SEL1L3: variants seen among roughly 807,000 people sequenced by gnomAD.
SEL1L3 encodes SEL1L family member 3, also known as protein sel-1 homolog 3.
In SEL1L3, 76 loss-of-function variants were observed where a neutral mutation model predicts 142.8. That is an observed-to-expected ratio of 0.53 (90% confidence interval 0.44 to 0.64). SEL1L3 has a LOEUF of 0.64. Among genes scored for constraint, SEL1L3 ranks in the 30% least tolerant of loss-of-function variants. SEL1L3 has a pLI of 0.00. For missense variants in SEL1L3, 1,262 were observed against 1,381.7 expected (o/e 0.91, Z 1.37); for synonymous variants, 504 against 519.6 (o/e 0.97, Z 0.41).
intron 12 of SEL1L3, among the ~76,000 whole-genome samples, chr4:25,789,479 G>A (rs1712124218): frequency 6.6e-6 from 1 of 151,772 alleles, no homozygotes; most frequent in Non-Finnish European, 1.5e-5. Context: ...CAGCTACTCG[G>A]GAGGTTGAGG....
At chr4:25,744,585 C>T (rs1372981293), downstream of SEL1L3, among the ~76,000 whole-genome samples, 1 of 152,130 alleles carries the variant, frequency 6.6e-6, no homozygotes, top group Non-Finnish European at 1.5e-5. Flanking sequence ...AATTCCTGAC[C>T]TCAAGAGATC....
At chr4:25,784,111 C>A in intron 14 of SEL1L3, 117 bp downstream of exon 14, 2 of 849,472 alleles carry the variant, frequency 2.4e-6, no homozygotes, top group Non-Finnish European at 4.0e-6. Flanking sequence ...TGCTCACCAC[C>A]CCGTTTCCAC....
At chr4:25,819,632 T>A in intron 8 of SEL1L3, among the ~76,000 whole-genome samples, 176 bp downstream of exon 8, 1 of 152,178 alleles carries the variant, frequency 6.6e-6, no homozygotes, top group East Asian at 1.9e-4. Context: ...AGAATCCAGG[T>A]GGAATGTACA....
the SEL1L3 span, among the ~76,000 whole-genome samples, chr4:25,742,346 C>T: frequency 1.3e-5 from 2 of 151,998 alleles, no homozygotes; most frequent in African/African-American, 2.4e-5. Context: ...CCACCACAGC[C>T]GGCTAATTTT....
At chr4:25,830,903 C>T (rs534837181) in intron 5 of SEL1L3, among the ~76,000 whole-genome samples, 30 of 152,316 alleles carry the variant, frequency 2.0e-4, no homozygotes, top group Admixed American at 5.2e-4. Flanking sequence ...CTAAACCAAC[C>T]ATTTAAGTCA....
intron 6 of SEL1L3, among the ~76,000 whole-genome samples, chr4:25,824,923 T>C (rs6857554): frequency 0.061 from 9,265 of 152,258 alleles, 944 homozygotes; most frequent in African/African-American, 0.21. Flanking sequence ...TTTTGGGCTC[T>C]GATTATTTTC....
In SEL1L3 at chr4:25,796,864, G is replaced by C. The variant is rs145974900; in HGVS notation, c.1956+5419C>G. ...CTTTCTAAGTCCAACAGAGCATAAA[G>C]ACAGAAAAAAAAAAAAGAAGAAAGG... On this transcript the variant is annotated intron_variant, in intron 11 of 23. Transcript: ENST00000399878. 4.3e-3 allele frequency among the ~76,000 whole-genome samples: 560 copies of C among 129,022 alleles called. 1 individual carries two copies. Among genetic ancestry groups the C allele is most frequent in the African/African-American group, 0.018 (534 of 29,346 alleles). 84.6% of individuals were successfully genotyped at this position (129,022 alleles called of 152,430 possible).
chr4:25,855,808 A>C (rs778845051), intron 1 of SEL1L3, among the ~76,000 whole-genome samples: 16 of 151,712 alleles, frequency 1.1e-4, no homozygotes, highest in Admixed American at 4.6e-4. Flanking sequence ...CAGGTGCCTC[A>C]GTGGCCCTGA....
chr4:25,725,776 C>G, the SEL1L3 span, among the ~76,000 whole-genome samples: 1 of 152,136 alleles, frequency 6.6e-6, no homozygotes, highest in Non-Finnish European at 1.5e-5. Context: ...TGTGGGGTAA[C>G]TTCCGGAGTT....
chr4:25,782,101 G>T, intron 15 of SEL1L3, 141 bp downstream of exon 15: 1 of 708,210 alleles, frequency 1.4e-6, no homozygotes, highest in Non-Finnish European at 2.3e-6. Context: ...TCACTATCTT[G>T]TTTTCCTACG....
intron 5 of SEL1L3, among the ~76,000 whole-genome samples, chr4:25,831,356 C>T (rs886761340): frequency 6.6e-6 from 1 of 151,800 alleles, no homozygotes; most frequent in Non-Finnish European, 1.5e-5. Flanking sequence ...GCTGAAATAC[C>T]CTCTTCTCCG....
At chr4:25,772,918 C>T (rs894352202) in intron 17 of SEL1L3, among the ~76,000 whole-genome samples, 3 of 152,186 alleles carry the variant, frequency 2.0e-5, no homozygotes, top group Admixed American at 6.5e-5. Context: ...CTGCCTCAGC[C>T]TCCCGAGTAG....
At chr4:25,727,422 C>A in the SEL1L3 span, among the ~76,000 whole-genome samples, 3 of 152,198 alleles carry the variant, frequency 2.0e-5, no homozygotes, top group Admixed American at 6.5e-5. Flanking sequence ...TTATAATAAA[C>A]CCATCTTTGA....
At chr4:25,781,407 G>A (rs980878795) in intron 15 of SEL1L3, among the ~76,000 whole-genome samples, 1 of 152,052 alleles carries the variant, frequency 6.6e-6, no homozygotes, top group Non-Finnish European at 1.5e-5. Context: ...GGTGGTGGAG[G>A]TGGGCGGATC....
intron 9 of SEL1L3, among the ~76,000 whole-genome samples, chr4:25,813,778 G>A (rs991720659): frequency 6.6e-6 from 1 of 152,162 alleles, no homozygotes. Flanking sequence ...TAAATATTTG[G>A]CAAGTCTCTT....
the SEL1L3 span, among the ~76,000 whole-genome samples, chr4:25,728,257 G>A: frequency 1.5e-4 from 23 of 152,282 alleles, no homozygotes; most frequent in South Asian, 3.5e-3. Flanking sequence ...GACCCATGGA[G>A]AAATCAACTG....
intron 23 of SEL1L3, chr4:25,755,817 T>C (rs572101932): frequency 3.1e-4 from 297 of 947,748 alleles, no homozygotes; most frequent in Middle Eastern, 2.2e-3. Context: ...GGAACTGCAT[T>C]TGTAATAATC....
chr4:25,733,223 A>G, the SEL1L3 span, among the ~76,000 whole-genome samples: 1 of 152,150 alleles, frequency 6.6e-6, no homozygotes, highest in Non-Finnish European at 1.5e-5. Flanking sequence ...GAGAATTTAC[A>G]TCTTGAAAAT....
chr4:25,768,431 T>G (rs952894158), intron 17 of SEL1L3, among the ~76,000 whole-genome samples: 1 of 152,152 alleles, frequency 6.6e-6, no homozygotes, highest in African/African-American at 2.4e-5. Context: ...AGATTCATAT[T>G]TGGAATAATG....
Sources: gnomAD v4.1 joint callset for allele counts (sites outside exome capture counted in the v4.1 genomes callset) on GRCh38, gnomAD v4.1.1 for gene constraint, MANE v1.5 for transcripts, NCBI Gene and HGNC (gene_info 2026-07-23, HGNC 2026-07-21) for gene names.